Variants in GATAD2B observed in about 807,000 individuals in gnomAD.
The protein encoded by GATAD2B is GATA zinc finger domain containing 2B.
GATAD2B carries 8 observed loss-of-function variants against 64.3 expected under a neutral mutation model. That is an observed-to-expected ratio of 0.12 (90% CI 0.07 to 0.22). The LOEUF (loss-of-function observed/expected upper bound fraction) is 0.22. Among genes scored for constraint, GATAD2B ranks in the 10% least tolerant of loss-of-function variants. GATAD2B has a pLI of 1.00. For missense variants in GATAD2B, 453 were observed against 752.0 expected (o/e 0.60, Z 4.65); for synonymous variants, 281 against 271.3 (o/e 1.04, Z -0.35).
Position 153,816,656 on chromosome 1 carries a change from C to T in GATAD2B, c.901-68G>A. ...AAAGGGCCAATTCTTACGTTCTTGG[C>T]AGAGGACACTGTCTGATCCTGGTTT... On this transcript the variant is annotated intron_variant, in intron 6 of 10. Transcript: ENST00000368655. The surrounding 1 kb of genome is among the most constrained non-coding windows in gnomAD (Gnocchi z 4.9). 5.9e-6 allele frequency: 6 copies of T among 1,020,762 alleles called. No individual in the cohort carries two copies. Among genetic ancestry groups the T allele is most frequent in the South Asian group, 1.4e-5 (1 of 70,356 alleles). 63.2% of individuals were successfully genotyped at this position (1,020,762 alleles called of 1,614,324 possible). A position where few individuals can be genotyped will look rare whatever the true frequency, so the allele number is the denominator to read the frequency against.
intron 1 of GATAD2B, among the ~76,000 whole-genome samples, chr1:153,904,870 C>T (rs927848107): frequency 6.6e-6 from 1 of 152,164 alleles, no homozygotes; most frequent in African/African-American, 2.4e-5. Context: ...CCACATCTGG[C>T]TAATTTTTCT....
At chr1:153,911,580 C>CA (rs1238401783) in intron 1 of GATAD2B, among the ~76,000 whole-genome samples, 4 of 151,980 alleles carry the variant, frequency 2.6e-5, no homozygotes, top group South Asian at 4.2e-4. Flanking sequence ...ACCAAAAATA[C>CA]AAAAAATCAG....
rs139463154 is a variant in GATAD2B, at chr1:153,820,708, C to A, written c.336-973G>T. Among the ~76,000 whole-genome samples the A allele has an allele frequency of 7.6e-3, 1,145 of 151,574 alleles. 8 individuals carry two copies. The highest frequency in any genetic ancestry group is 0.025 in the South Asian group (120 of 4,766). ...CCAGTGGCCCGATCACAGCTCACTG[C>A]AGCCTTGACCTCCTGAGCTCAAGCG... On this transcript the variant is annotated intron_variant, in intron 2 of 10. Transcript: ENST00000368655.
chr1:153,922,362 C>T (rs1327560423), intron 1 of GATAD2B, among the ~76,000 whole-genome samples: 3 of 133,786 alleles, frequency 2.2e-5, no homozygotes, highest in South Asian at 5.2e-4. Context: ...GGAGTGAAAG[C>T]GGGGATGGCG....
chr1:153,828,481 CACACACACACAA>C (rs1674963108), intron 1 of GATAD2B, 133 bp from the exon 2 acceptor site: 2 of 631,962 alleles, frequency 3.2e-6, no homozygotes, highest in Non-Finnish European at 5.5e-6. Context: ...CACACACACA[CACACACACACAA>C]AGTTCAAAGT....
intron 1 of GATAD2B, among the ~76,000 whole-genome samples, chr1:153,911,454 G>C (rs1164674552): frequency 6.6e-6 from 1 of 152,184 alleles, no homozygotes; most frequent in Non-Finnish European, 1.5e-5. Flanking sequence ...CAACTTCCGG[G>C]CCAAGTGTGG....
intron 1 of GATAD2B, among the ~76,000 whole-genome samples, chr1:153,898,113 A>G (rs1444919266): frequency 6.6e-6 from 1 of 151,648 alleles, no homozygotes; most frequent in Non-Finnish European, 1.5e-5. Flanking sequence ...AGATCAGCCT[A>G]TGCAACACGG....
chr1:153,884,267 G>A (rs190065343), intron 1 of GATAD2B, among the ~76,000 whole-genome samples: 3 of 152,198 alleles, frequency 2.0e-5, no homozygotes, highest in Admixed American at 6.5e-5. Context: ...GGTGAAACCC[G>A]TCTCTACTAA....
At chr1:153,916,925 AG>A (rs1678284558) in intron 1 of GATAD2B, among the ~76,000 whole-genome samples, 1 of 152,008 alleles carries the variant, frequency 6.6e-6, no homozygotes. Flanking sequence ...TCTCTGCCTC[AG>A]CCCCCCGAGT....
chr1:153,848,695 T>G (rs575975074), intron 1 of GATAD2B, among the ~76,000 whole-genome samples: 2 of 152,346 alleles, frequency 1.3e-5, no homozygotes, highest in Non-Finnish European at 2.9e-5. Flanking sequence ...GGCTAACGCC[T>G]GTACTTCAAG....
At position 153,898,004 on chromosome 1, in the gene GATAD2B, C is replaced by CA. The variant is rs60650122; in HGVS notation, c.-2+24728dup. On this transcript the variant is annotated intron_variant, in intron 1 of 10. Transcript: ENST00000368655. The stretch of plus-strand genomic sequence containing the variant: ...CAAAAAACAAACAGAAAAAAAAAAA[C>CA]AAAAAAAAAAAAACCCAGGCCAGGC... 5.4e-3 allele frequency among the ~76,000 whole-genome samples: 706 copies of CA among 131,328 alleles called. 5 individuals are homozygous for CA. Among genetic ancestry groups the CA allele is most frequent in the African/African-American group, 0.01 (364 of 35,376 alleles). 86.2% of individuals were successfully genotyped at this position (131,328 alleles called of 152,430 possible). A position where few individuals can be genotyped will look rare whatever the true frequency, so the allele number is the denominator to read the frequency against.
chr1:153,902,436 T>C (rs1677807288), intron 1 of GATAD2B, among the ~76,000 whole-genome samples: 1 of 152,192 alleles, frequency 6.6e-6, no homozygotes, highest in Admixed American at 6.6e-5. Context: ...ACAAACATAT[T>C]ATACCTAGTA....
rs113142203 is a variant in GATAD2B, at chr1:153,848,973, AC to A, written c.-1-20626del. Among the ~76,000 whole-genome samples the A allele has an allele frequency of 2.2e-3, 314 of 141,466 alleles. 1 individual carries two copies. Among genetic ancestry groups the A allele is most frequent in the African/African-American group, 3.7e-3 (140 of 37,808 alleles). 92.8% of individuals were successfully genotyped at this position (141,466 alleles called of 152,430 possible). ...TCAAAACAAAGCAAAAAACAAACAA[AC>A]CCCCCCCCTCCCCCAGACTGGGTAA... On this transcript the variant is annotated intron_variant, in intron 1 of 10. Transcript: ENST00000368655.
rs761715711 is a variant in GATAD2B, at chr1:153,809,965, A to C, written c.*212T>G. Reference sequence around the variant, plus strand: ...TGAAGAGAGAAGACAGAGCGGCAGAAGAACAGATCGCAGCAGTGTGAAATA... The same window carrying C: ...TGAAGAGAGAAGACAGAGCGGCAGACGAACAGATCGCAGCAGTGTGAAATA... On this transcript the variant is annotated 3_prime_UTR_variant, in exon 11 of 11. Coordinates refer to ENST00000368655, the MANE Select transcript of GATAD2B (RefSeq NM_020699.4). 55 of 496,172 alleles carry C rather than the reference A, an allele frequency of 1.1e-4. No individual in the cohort carries two copies. Among genetic ancestry groups the C allele is most frequent in the Middle Eastern group, 5.2e-4 (1 of 1,934 alleles). 30.7% of individuals were successfully genotyped at this position (496,172 alleles called of 1,614,324 possible).
chr1:153,824,367 C>T (rs1024426382), intron 2 of GATAD2B, among the ~76,000 whole-genome samples: 2 of 152,072 alleles, frequency 1.3e-5, no homozygotes, highest in South Asian at 2.1e-4. Context: ...TGGTGGCTCA[C>T]GCCCATAATC....
chr1:153,849,482 T>C (rs181055520), intron 1 of GATAD2B, among the ~76,000 whole-genome samples: 3 of 152,326 alleles, frequency 2.0e-5, no homozygotes, highest in African/African-American at 7.2e-5. Context: ...TCCAAAATTG[T>C]TTCTTCCCCT....
At chr1:153,841,756 A>C (rs1675503316) in intron 1 of GATAD2B, among the ~76,000 whole-genome samples, 1 of 152,192 alleles carries the variant, frequency 6.6e-6, no homozygotes, top group Non-Finnish European at 1.5e-5. Context: ...ATGAACATTC[A>C]TGGGAAAGTT....
At chr1:153,900,335 A>G (rs2101959509) in intron 1 of GATAD2B, among the ~76,000 whole-genome samples, 1 of 151,918 alleles carries the variant, frequency 6.6e-6, no homozygotes, top group South Asian at 2.1e-4. Context: ...CAGGAGAATC[A>G]CTTGAACCAG....
In GATAD2B at chr1:153,813,435, G is replaced by A. The variant is rs1436237865; in HGVS notation, c.1234C>T (p.Leu412Phe). The A allele has an allele frequency of 1.2e-6, 2 of 1,613,940 alleles. No individual in the cohort carries two copies. Among genetic ancestry groups the A allele is most frequent in the Admixed American group, 1.7e-5 (1 of 60,022 alleles). ...CATACAAAGGGTTCAACCCGCAGAA[G>A]TGAGGCACAGCTTTTGCCTAGATAC... ...IDSQGKSCAS[L>F]LRVEPFVCAQ... Residue 412 changes from leucine (L) to phenylalanine (F), a missense_variant, in exon 8 of 11, where the codon CTT becomes TTT. Leu to Phe is a conservative substitution (Grantham distance 22). Around this residue, in one of 2 missense-constraint regions of GATAD2B, gnomAD observed 160 missense variants for 334.7 expected, o/e 0.48. Coordinates refer to ENST00000368655, the MANE Select transcript of GATAD2B (RefSeq NM_020699.4).
Sources: allele counts gnomAD v4.1 joint callset (sites outside exome capture counted in the v4.1 genomes callset), GRCh38; gene constraint gnomAD v4.1.1; regional missense constraint gnomAD v4.1.1; non-coding constraint Gnocchi (gnomAD v3.1); transcripts MANE v1.5; gene names NCBI Gene and HGNC (gene_info 2026-07-23, HGNC 2026-07-21).